Variants in SOX6 observed in about 807,000 individuals in gnomAD.
SOX6 encodes transcription factor SOX-6.
SOX6 carries 11 observed loss-of-function variants against 97.8 expected under a neutral mutation model. The observed-to-expected ratio is 0.11, with a 90% confidence interval of 0.07 to 0.19. SOX6 has a LOEUF of 0.19. Ranked by LOEUF, SOX6 falls within the 10% of genes least tolerant of loss-of-function variation. The probability of loss-of-function intolerance (pLI) is 1.00; values close to 1 mark genes in which losing one functional copy is unlikely to be tolerated. For synonymous variants in SOX6, 360 were observed against 371.4 expected (o/e 0.97, Z 0.35); for missense variants, 810 against 1,039.5 (o/e 0.78, Z 3.04).
intron 4 of SOX6, chr11:16,606,085 C>T (rs1447934839): frequency 6.6e-6 from 1 of 151,394 alleles, no homozygotes; most frequent in Non-Finnish European, 1.5e-5. Flanking sequence ...CTAAGACAGC[C>T]GAGGAGGGCA....
At chr11:16,135,450 T>C (rs190295343) in intron 6 of SOX6, among the ~76,000 whole-genome samples, 2 of 152,328 alleles carry the variant, frequency 1.3e-5, no homozygotes, top group East Asian at 3.9e-4. Context: ...ACATCTGTGA[T>C]TCTTGGGAGA....
intron 1 of SOX6, among the ~76,000 whole-genome samples, chr11:16,428,465 C>T (rs1430814367): frequency 6.6e-6 from 1 of 152,170 alleles, no homozygotes; most frequent in Non-Finnish European, 1.5e-5. Context: ...TTAGGTCTAA[C>T]ATTTAAGTCT....
chr11:16,420,520 T>C (rs1346449863), intron 1 of SOX6, among the ~76,000 whole-genome samples: 1 of 152,114 alleles, frequency 6.6e-6, no homozygotes, highest in East Asian at 1.9e-4. Flanking sequence ...CCCAAATACA[T>C]CTGGGCAGAG....
At chr11:16,020,989 G>A (rs1213854328) in intron 12 of SOX6, among the ~76,000 whole-genome samples, 1 of 151,692 alleles carries the variant, frequency 6.6e-6, no homozygotes, top group Non-Finnish European at 1.5e-5. Flanking sequence ...ATCAAAACAA[G>A]GAAATTCAGA....
At chr11:16,453,922 C>T (rs1859765942) in intron 1 of SOX6, among the ~76,000 whole-genome samples, 1 of 152,054 alleles carries the variant, frequency 6.6e-6, no homozygotes, top group Non-Finnish European at 1.5e-5. Flanking sequence ...ATTAAAGTTG[C>T]AAAAGAATTT....
intron 1 of SOX6, among the ~76,000 whole-genome samples, chr11:16,378,816 A>G (rs1030985188): frequency 3.9e-5 from 6 of 152,112 alleles, no homozygotes; most frequent in Admixed American, 6.5e-5. Context: ...AAAATTTAAA[A>G]AAGTCTAAAT....
At chr11:16,690,577 T>C (rs1267570672) in intron 3 of SOX6, among the ~76,000 whole-genome samples, 1 of 152,232 alleles carries the variant, frequency 6.6e-6, no homozygotes, top group African/African-American at 2.4e-5. Flanking sequence ...CATTTCAAAA[T>C]AGTACCCCAC....
chr11:16,338,183 A>AT (rs1232030664), intron 2 of SOX6, among the ~76,000 whole-genome samples: 1 of 151,998 alleles, frequency 6.6e-6, no homozygotes, highest in Non-Finnish European at 1.5e-5. Context: ...TTTAAGTTTT[A>AT]TTTTTTCACA....
At chr11:16,485,245 T>C (rs1232863754) in intron 4 of SOX6, among the ~76,000 whole-genome samples, 4 of 152,082 alleles carry the variant, frequency 2.6e-5, no homozygotes, top group Non-Finnish European at 4.4e-5. Flanking sequence ...GAGCTATCTA[T>C]GAACAAAGGT....
At chr11:16,633,692 A>G (rs536110912) in intron 3 of SOX6, among the ~76,000 whole-genome samples, 1 of 152,290 alleles carries the variant, frequency 6.6e-6, no homozygotes, top group East Asian at 1.9e-4. Context: ...AATCAGGGCC[A>G]CCAGAGAGTA....
chr11:16,093,022 G>C (rs1283883313), intron 9 of SOX6, among the ~76,000 whole-genome samples: 2 of 151,880 alleles, frequency 1.3e-5, no homozygotes, highest in Non-Finnish European at 2.9e-5. Flanking sequence ...CATAGCTGAA[G>C]AAAGCAAATG....
chr11:16,306,627 C>CTTTTTTTTTTTTTCT lies in SOX6; in HGVS notation c.445+11818_445+11819insAGAAAAAAAAAAAAA, dbSNP rs1565081708. Among the ~76,000 whole-genome samples, 169 of 106,400 alleles carry CTTTTTTTTTTTTTCT rather than the reference C, an allele frequency of 1.6e-3. 1 individual carries two copies. The highest frequency in any genetic ancestry group is 4.7e-3 in the East Asian group (15 of 3,220). The allele number at this position is 106,400 out of a possible 152,430, so 69.8% of individuals were successfully genotyped here. A position where few individuals can be genotyped will look rare whatever the true frequency, so the allele number is the denominator to read the frequency against. Reference sequence around the variant, plus strand: ...CTCAAATTTCTTTTTTTTTTTTTTTCTTTTTTTTTTTTTCCTGAGACAGAT... The same window carrying CTTTTTTTTTTTTTCT: ...CTCAAATTTCTTTTTTTTTTTTTTTCTTTTTTTTTTTTTCTTTTTTTTTTTTTTCCTGAGACAGAT... On this transcript the variant is annotated intron_variant, in intron 3 of 15. Transcript: ENST00000683767.
At chr11:16,207,046 A>G (rs1040316857) in intron 4 of SOX6, among the ~76,000 whole-genome samples, 2 of 152,140 alleles carry the variant, frequency 1.3e-5, no homozygotes, top group African/African-American at 4.8e-5. Context: ...CCCCTACTAC[A>G]AATGCACATA....
At chr11:16,688,882 T>C (rs1847989602) in intron 3 of SOX6, among the ~76,000 whole-genome samples, 2 of 152,222 alleles carry the variant, frequency 1.3e-5, no homozygotes, top group Non-Finnish European at 2.9e-5. Context: ...AACTGTGTTC[T>C]AAGAAAAAGT....
intron 4 of SOX6, among the ~76,000 whole-genome samples, chr11:16,531,496 T>C (rs1861235566): frequency 6.6e-6 from 1 of 152,058 alleles, no homozygotes; most frequent in Non-Finnish European, 1.5e-5. Flanking sequence ...AATTTAACCT[T>C]GCTTAATATA....
intron 4 of SOX6, chr11:16,484,657 G>T: frequency 1.6e-6 from 1 of 636,386 alleles, no homozygotes. Context: ...TGCTGAGCAC[G>T]AAGTGGCTGG....
chr11:16,141,450 C>T (rs754758911), intron 6 of SOX6, among the ~76,000 whole-genome samples: 4 of 152,082 alleles, frequency 2.6e-5, no homozygotes, highest in South Asian at 2.1e-4. Flanking sequence ...ACGCAGAAGA[C>T]GGGTGATTTC....
At chr11:16,233,025 A>G (rs1852906290) in intron 4 of SOX6, among the ~76,000 whole-genome samples, 1 of 152,184 alleles carries the variant, frequency 6.6e-6, no homozygotes, top group Non-Finnish European at 1.5e-5. Flanking sequence ...CTGGGAAAAA[A>G]GATGACTTCC....
chr11:16,441,855 T>C (rs1859509023), intron 1 of SOX6, among the ~76,000 whole-genome samples: 1 of 152,296 alleles, frequency 6.6e-6, no homozygotes, highest in South Asian at 2.1e-4. Flanking sequence ...TATTTTATCA[T>C]CCTTAATAAC....
Sources: allele counts gnomAD v4.1 joint callset (sites outside exome capture counted in the v4.1 genomes callset), GRCh38; gene constraint gnomAD v4.1.1; transcripts MANE v1.5; gene names NCBI Gene and HGNC (gene_info 2026-07-23, HGNC 2026-07-21).